The following CMSS1 variants were observed in gnomAD, a reference collection of about 807,000 sequenced individuals.
CMSS1 encodes the protein cms1 ribosomal small subunit homolog, also known as protein CMSS1.
CMSS1 carries 33 observed loss-of-function variants against 43.5 expected under a neutral mutation model. The ratio of observed to expected loss-of-function variants is 0.76; its 90% CI spans 0.57 to 1.01. The LOEUF is 1.01. CMSS1 is among the 50% of genes least tolerant of loss of function. The pLI, the probability that CMSS1 is intolerant of heterozygous loss-of-function variation, is 0.00. For missense variants in CMSS1, 313 were observed against 326.4 expected (o/e 0.96, Z 0.32); for synonymous variants, 115 against 117.2 (o/e 0.98, Z 0.12).
intron 1 of CMSS1, chr3:99,931,002 C>G (rs753432256): frequency 1.4e-4 from 231 of 1,613,598 alleles, no homozygotes; most frequent in Non-Finnish European, 1.3e-4. Flanking sequence ...CCCTCGGTAT[C>G]ACTGCCTCTG....
chr3:100,014,863 C>CTTTTTTTT (rs1710276798), intron 1 of CMSS1, among the ~76,000 whole-genome samples: 1 of 18,078 alleles, frequency 5.5e-5, no homozygotes, highest in African/African-American at 2.4e-4. Flanking sequence ...CACCATTTGT[C>CTTTTTTTT]TTTTTCTTTT....
intron 1 of CMSS1, among the ~76,000 whole-genome samples, chr3:100,004,827 C>A (rs1709943269): frequency 6.6e-6 from 1 of 152,140 alleles, no homozygotes; most frequent in African/African-American, 2.4e-5. Flanking sequence ...TTGAGTTTCC[C>A]CCTATGGGGC....
intron 1 of CMSS1, among the ~76,000 whole-genome samples, chr3:99,828,915 C>CCA (rs1942590228): frequency 6.6e-6 from 1 of 152,026 alleles, no homozygotes; most frequent in African/African-American, 2.4e-5. Flanking sequence ...TCAATGCTGC[C>CCA]TATCATCCCT....
intron 1 of CMSS1, among the ~76,000 whole-genome samples, chr3:99,821,676 A>G (rs1942442071): frequency 6.6e-6 from 1 of 152,222 alleles, no homozygotes; most frequent in Non-Finnish European, 1.5e-5. Flanking sequence ...CGGTCTGGGT[A>G]CTTTCTCAGT....
chr3:99,963,277 C>T (rs1708547484), intron 1 of CMSS1, among the ~76,000 whole-genome samples: 1 of 152,216 alleles, frequency 6.6e-6, no homozygotes, highest in African/African-American at 2.4e-5. Context: ...CTAGTGTTGA[C>T]TGATCCCATG....
chr3:100,166,920 T>G (rs2107529379), intron 5 of CMSS1, among the ~76,000 whole-genome samples: 1 of 151,816 alleles, frequency 6.6e-6, no homozygotes, highest in African/African-American at 2.4e-5. Context: ...TTTTTTTTAA[T>G]TATTTTTGGT....
intron 1 of CMSS1, among the ~76,000 whole-genome samples, chr3:99,987,716 G>GT (rs900776618): frequency 4.6e-5 from 7 of 152,222 alleles, no homozygotes; most frequent in South Asian, 2.1e-4. Context: ...CAAGACCTCA[G>GT]TTATTTTCTT....
intron 1 of CMSS1, among the ~76,000 whole-genome samples, chr3:99,887,215 C>T (rs566903750): frequency 2.2e-4 from 33 of 151,638 alleles, no homozygotes; most frequent in Admixed American, 1.7e-3. Flanking sequence ...CGCGGTTAGC[C>T]GAGATTGAGC....
chr3:99,906,393 G>A (rs1706619996), intron 1 of CMSS1, among the ~76,000 whole-genome samples: 1 of 151,886 alleles, frequency 6.6e-6, no homozygotes, highest in South Asian at 2.1e-4. Flanking sequence ...TTAAATTATT[G>A]GTTTATAGGA....
intron 6 of CMSS1, 25 bp downstream of exon 6, chr3:100,167,865 T>C: frequency 6.7e-7 from 1 of 1,493,608 alleles, no homozygotes; most frequent in Non-Finnish European, 9.3e-7. Flanking sequence ...CTATTCCATA[T>C]CATAAATGTT....
intron 1 of CMSS1, among the ~76,000 whole-genome samples, chr3:100,057,129 G>T (rs190619842): frequency 6.6e-6 from 1 of 152,350 alleles, no homozygotes; most frequent in East Asian, 1.9e-4. Flanking sequence ...AGTCAGAGAA[G>T]CTCTGGTGCT....
chr3:100,055,494 A>G lies in CMSS1; in HGVS notation c.65-91479A>G, dbSNP rs374365991. Among the ~76,000 whole-genome samples, 13 of 152,354 alleles carry G rather than the reference A, an allele frequency of 8.5e-5. No individual in the cohort carries two copies. The South Asian group carries it at 1.2e-3, about 15-fold the overall frequency. On this transcript the variant is annotated intron_variant, in intron 1 of 9. Transcript: ENST00000421999. ...TTTGTCTCTCGTTAAGTATTTGTAA[A>G]TACTAAAGACTGTCTTTACCTTTAT... is the stretch of plus-strand genomic sequence containing the variant.
chr3:100,033,003 C>G (rs1292842731), intron 1 of CMSS1, among the ~76,000 whole-genome samples: 1 of 152,008 alleles, frequency 6.6e-6, no homozygotes, highest in African/African-American at 2.4e-5. Context: ...CCATATCCCC[C>G]TCACATGAAA....
intron 1 of CMSS1, among the ~76,000 whole-genome samples, chr3:99,856,868 C>T (rs538897389): frequency 1.5e-4 from 23 of 152,298 alleles, no homozygotes; most frequent in Non-Finnish European, 2.4e-4. Flanking sequence ...ATATAATACA[C>T]ATATGAAACA....
chr3:100,006,502 G>A (rs1709990524), intron 1 of CMSS1, among the ~76,000 whole-genome samples: 1 of 152,024 alleles, frequency 6.6e-6, no homozygotes, highest in East Asian at 1.9e-4. Flanking sequence ...CTGCCCCAAA[G>A]TCTCCTTTTA....
chr3:99,891,186 A>G (rs1313255637), intron 1 of CMSS1, among the ~76,000 whole-genome samples: 1 of 151,798 alleles, frequency 6.6e-6, no homozygotes, highest in Non-Finnish European at 1.5e-5. Flanking sequence ...CATGGAAAGC[A>G]GTTTTCCTTG....
intron 1 of CMSS1, among the ~76,000 whole-genome samples, chr3:99,935,121 A>G (rs963253277): frequency 2.0e-5 from 3 of 152,188 alleles, no homozygotes; most frequent in Non-Finnish European, 4.4e-5. Flanking sequence ...CATGAATTTC[A>G]TGATACTCTC....
intron 1 of CMSS1, among the ~76,000 whole-genome samples, chr3:99,948,484 C>T (rs1478230126): frequency 1.4e-5 from 2 of 140,258 alleles, no homozygotes; most frequent in East Asian, 4.2e-4. Flanking sequence ...TTGGAGGTTA[C>T]AGTGAGCCAT....
intron 1 of CMSS1, among the ~76,000 whole-genome samples, chr3:99,980,113 G>C (rs565326642): frequency 2.0e-5 from 3 of 152,136 alleles, no homozygotes; most frequent in Non-Finnish European, 2.9e-5. Context: ...AATTCAGGCA[G>C]TACAGTACGG....
Sources: allele counts gnomAD v4.1 joint callset (sites outside exome capture counted in the v4.1 genomes callset), GRCh38; gene constraint gnomAD v4.1.1; transcripts MANE v1.5; gene names NCBI Gene and HGNC (gene_info 2026-07-23, HGNC 2026-07-21).